ROBO1: variants seen among roughly 807,000 people sequenced by gnomAD.
The protein encoded by ROBO1 is roundabout guidance receptor 1, also known as roundabout homolog 1.
In ROBO1, 149 loss-of-function variants were observed where a neutral mutation model predicts 195.9. The ratio of observed to expected loss-of-function variants is 0.76; its 90% CI spans 0.67 to 0.87. The LOEUF is 0.87. ROBO1 is among the 40% of genes least tolerant of loss of function. The pLI is 0.00. For synonymous variants in ROBO1, 816 were observed against 733.2 expected, an observed-to-expected ratio of 1.11 and a Z score of -1.82; for missense variants, 1,933 against 2,068.3, an observed-to-expected ratio of 0.93 and a Z score of 1.27.
chr3:79,574,386 GAAATTTTGCTACCAT>G lies in ROBO1; in HGVS notation c.88+15423_88+15437del, dbSNP rs550846781. On this transcript the variant is annotated intron_variant, in intron 2 of 30. Coordinates refer to ENST00000464233, the MANE Select transcript of ROBO1 (RefSeq NM_002941.4). ...CTTTTATTCCAATTTAATGACTCTT[GAAATTTTGCTACCAT>G]AAATTTTGCTACCATAAATTTTGCT... 1.5e-3 allele frequency among the ~76,000 whole-genome samples: 233 copies of G among 151,702 alleles called. 1 individual carries two copies. Among genetic ancestry groups the G allele is most frequent in the South Asian group, 3.3e-3 (16 of 4,798 alleles).
intron 2 of ROBO1, among the ~76,000 whole-genome samples, chr3:79,413,460 G>A (rs977720379): frequency 1.3e-5 from 2 of 152,048 alleles, no homozygotes; most frequent in Admixed American, 6.6e-5. Context: ...AGGGATAGGA[G>A]GAGATTGTGG....
At chr3:79,757,565 G>A (rs902764797) in intron 1 of ROBO1, among the ~76,000 whole-genome samples, 1 of 151,240 alleles carries the variant, frequency 6.6e-6, no homozygotes, top group Non-Finnish European at 1.5e-5. Flanking sequence ...TGTAATGCCC[G>A]AGCTTTGGGA....
chr3:79,759,680 G>A (rs1218603019), intron 1 of ROBO1, among the ~76,000 whole-genome samples: 8 of 152,114 alleles, frequency 5.3e-5, no homozygotes, highest in African/African-American at 9.7e-5. Context: ...AACATAATCC[G>A]ATTTTGTTTG....
rs112319716 is a variant in ROBO1, at chr3:79,069,791, C to T, written c.172+55665G>A. On this transcript the variant is annotated intron_variant, in intron 3 of 30. Transcript: ENST00000464233. ...TGACAGGTGATCAAAAATCTGATAG[C>T]AATGGTAGTTACTTATTGAATTAAT... 5.9e-5 allele frequency among the ~76,000 whole-genome samples: 9 copies of T among 151,894 alleles called. 1 individual carries two copies. Among genetic ancestry groups the T allele is most frequent in the African/African-American group, 2.2e-4 (9 of 41,506 alleles).
intron 21 of ROBO1, among the ~76,000 whole-genome samples, chr3:78,645,470 T>C (rs1706222903): frequency 6.6e-6 from 1 of 151,178 alleles, no homozygotes; most frequent in African/African-American, 2.4e-5. Context: ...AAACATCTTA[T>C]TGTGAAAAAT....
At chr3:78,992,007 G>T (rs1455333784) in intron 3 of ROBO1, among the ~76,000 whole-genome samples, 3 of 152,230 alleles carry the variant, frequency 2.0e-5, no homozygotes, top group Middle Eastern at 3.4e-3. Context: ...TTAAAAGTAT[G>T]ACTACATTTT....
At chr3:79,518,397 C>T (rs935030581) in intron 2 of ROBO1, among the ~76,000 whole-genome samples, 2 of 152,122 alleles carry the variant, frequency 1.3e-5, no homozygotes, top group East Asian at 1.9e-4. Flanking sequence ...GCACATGCTG[C>T]TCCTACCAGC....
At chr3:78,919,955 G>A (rs2038843841) in intron 4 of ROBO1, among the ~76,000 whole-genome samples, 1 of 152,154 alleles carries the variant, frequency 6.6e-6, no homozygotes, top group Non-Finnish European at 1.5e-5. Flanking sequence ...AATTACCTGT[G>A]GCAGGGTGAA....
intron 8 of ROBO1, among the ~76,000 whole-genome samples, chr3:78,702,551 C>T (rs1245420976): frequency 6.6e-6 from 1 of 152,128 alleles, no homozygotes; most frequent in African/African-American, 2.4e-5. Context: ...GTATGTGAGG[C>T]TGTTAAAATG....
chr3:78,718,254 C>A (rs545825715), intron 5 of ROBO1, among the ~76,000 whole-genome samples: 1 of 152,098 alleles, frequency 6.6e-6, no homozygotes, highest in South Asian at 2.1e-4. Context: ...ATTCTTAATA[C>A]CATATGACTA....
At chr3:79,462,386 T>C (rs1400710447) in intron 2 of ROBO1, among the ~76,000 whole-genome samples, 1 of 152,234 alleles carries the variant, frequency 6.6e-6, no homozygotes, top group African/African-American at 2.4e-5. Flanking sequence ...AAAGGCATGT[T>C]GGAGAATGTA....
intron 4 of ROBO1, among the ~76,000 whole-genome samples, chr3:78,747,141 G>A (rs550264270): frequency 4.6e-5 from 7 of 152,204 alleles, no homozygotes; most frequent in South Asian, 2.1e-4. Flanking sequence ...CGTGTATTCC[G>A]CTGCTTAGTG....
chr3:78,918,431 T>C (rs2038755381), intron 4 of ROBO1, among the ~76,000 whole-genome samples: 1 of 152,072 alleles, frequency 6.6e-6, no homozygotes, highest in Non-Finnish European at 1.5e-5. Flanking sequence ...CCAGGAAAGA[T>C]TCTAACATGG....
intron 8 of ROBO1, among the ~76,000 whole-genome samples, chr3:78,699,630 C>T (rs955461912): frequency 9.3e-5 from 14 of 151,274 alleles, no homozygotes; most frequent in African/African-American, 2.9e-4. Context: ...TTTGTTTTTA[C>T]GTTTTGTTTT....
intron 1 of ROBO1, among the ~76,000 whole-genome samples, chr3:79,618,123 G>T (rs956618686): frequency 5.9e-5 from 9 of 151,822 alleles, no homozygotes; most frequent in African/African-American, 2.4e-5. Context: ...GGAAATAGAG[G>T]ATTATGTAAA....
At chr3:79,762,421 T>G (rs1186077072) in intron 1 of ROBO1, among the ~76,000 whole-genome samples, 13 of 149,282 alleles carry the variant, frequency 8.7e-5, no homozygotes, top group Admixed American at 8.7e-4. Flanking sequence ...CGCAGTCTCA[T>G]AGTAGAAACG....
intron 3 of ROBO1, among the ~76,000 whole-genome samples, chr3:78,959,361 C>T (rs1210208318): frequency 6.6e-6 from 1 of 152,118 alleles, no homozygotes; most frequent in Non-Finnish European, 1.5e-5. Context: ...AGTCTACCTA[C>T]TGTGAAAATA....
chr3:79,104,770 A>T (rs2079745746), intron 3 of ROBO1, among the ~76,000 whole-genome samples: 1 of 151,782 alleles, frequency 6.6e-6, no homozygotes, highest in Non-Finnish European at 1.5e-5. Context: ...TGAGAGAGAC[A>T]ACTGTCCCCT....
chr3:79,706,631 A>G (rs1430956350), intron 1 of ROBO1, among the ~76,000 whole-genome samples: 1 of 152,002 alleles, frequency 6.6e-6, no homozygotes, highest in African/African-American at 2.4e-5. Flanking sequence ...GATAGTAAAC[A>G]AGTCTCATGT....
Sources: allele counts gnomAD v4.1 joint callset (sites outside exome capture counted in the v4.1 genomes callset), GRCh38; gene constraint gnomAD v4.1.1; transcripts MANE v1.5; gene names NCBI Gene and HGNC (gene_info 2026-07-23, HGNC 2026-07-21).